Variants in SENP6 observed in about 807,000 individuals in gnomAD.
SENP6 encodes sentrin-specific protease 6.
SENP6 carries 41 observed loss-of-function variants against 134.5 expected under a neutral mutation model. The observed-to-expected ratio is 0.30, with a 90% CI of 0.24 to 0.40. The LOEUF is 0.40. Among genes scored for constraint, SENP6 ranks in the 10% least tolerant of loss-of-function variants. The probability of loss-of-function intolerance (pLI) is 1.00; values close to 1 mark genes in which losing one functional copy is unlikely to be tolerated. For synonymous variants in SENP6, 395 were observed against 429.8 expected (o/e 0.92, Z 1.00); for missense variants, 1,248 against 1,312.5 (o/e 0.95, Z 0.76).
intron 6 of SENP6, 105 bp downstream of exon 6, chr6:75,640,809 C>CT (rs1049003702): frequency 6.2e-6 from 4 of 647,542 alleles, no homozygotes; most frequent in South Asian, 3.2e-5. Flanking sequence ...ATAATTAAAG[C>CT]TTTTTTTAAT....
rs1270168085 is a variant in SENP6, at chr6:75,651,770, G to A, written c.550+3969G>A. 3.3e-5 allele frequency among the ~76,000 whole-genome samples: 5 copies of A among 152,120 alleles called. No homozygotes were observed. The East Asian group carries it at 9.6e-4, about 29-fold the overall frequency. On this transcript the variant is annotated intron_variant, in intron 7 of 23. Transcript: ENST00000447266. Reference sequence around the variant, plus strand: ...TTGATACATAATATTCATACTGTATGTACTGTTCTGTATGTAACTTGCTTT... The same window carrying A: ...TTGATACATAATATTCATACTGTATATACTGTTCTGTATGTAACTTGCTTT...
At chr6:75,662,365 C>T (rs1192286581) in intron 8 of SENP6, among the ~76,000 whole-genome samples, 2 of 151,936 alleles carry the variant, frequency 1.3e-5, no homozygotes, top group Admixed American at 6.6e-5. Context: ...GAACTCTTGG[C>T]CCTAAAGAGT....
chr6:75,636,032 C>T (rs1381973452), intron 5 of SENP6, among the ~76,000 whole-genome samples: 1 of 151,432 alleles, frequency 6.6e-6, no homozygotes, highest in Non-Finnish European at 1.5e-5. Flanking sequence ...TCCTCATTTC[C>T]TCACTGGTAA....
At chr6:75,674,261 A>G (rs527468821) in intron 11 of SENP6, among the ~76,000 whole-genome samples, 5 of 151,454 alleles carry the variant, frequency 3.3e-5, no homozygotes, top group Non-Finnish European at 7.4e-5. Flanking sequence ...GGCACAAGCA[A>G]TCCTTCCACC....
rs1459527662 is a variant in SENP6 at position 75,713,965 on chromosome 6, C to A, written c.3129+140C>A. The A allele has an allele frequency of 1.2e-5, 8 of 645,178 alleles. No homozygotes were observed. The African/African-American group carries it at 1.5e-4, about 12-fold the overall frequency. 40.0% of individuals were successfully genotyped at this position (645,178 alleles called of 1,614,324 possible). The stretch of plus-strand genomic sequence containing the variant: ...CAAAAATTATTCCATGGAGCAAAAA[C>A]TTCTAAATGGAAGAACCTTCAAGGC... On this transcript the variant is annotated intron_variant, in intron 23 of 23. Transcript: ENST00000447266.
intron 4 of SENP6, 133 bp from the exon 5 acceptor site, chr6:75,634,574 G>A (rs1475935644): frequency 1.9e-6 from 1 of 535,874 alleles, no homozygotes; most frequent in South Asian, 2.7e-5. Context: ...AAGACAATTG[G>A]GTTTATCCAT....
At chr6:75,640,079 G>A (rs557100081) in intron 5 of SENP6, among the ~76,000 whole-genome samples, 6 of 152,108 alleles carry the variant, frequency 3.9e-5, no homozygotes, top group Non-Finnish European at 8.8e-5. Context: ...CCAGGTGAGG[G>A]AAGTACATAC....
intron 6 of SENP6, chr6:75,644,110 A>G (rs1020270103): frequency 1.3e-5 from 2 of 152,196 alleles, no homozygotes; most frequent in African/African-American, 4.8e-5. Flanking sequence ...CACCTGTACT[A>G]AAATTGGAAC....
Position 75,663,933 on chromosome 6 carries a change from T to G in SENP6, c.994+415T>G, listed in dbSNP as rs564595404. ...ACTCTATATCCTGTCTTTTTACTCTTATGTGTATGTGTATGGCATGCAGTC... is the reference window on the plus strand; with the variant it reads ...ACTCTATATCCTGTCTTTTTACTCTGATGTGTATGTGTATGGCATGCAGTC... On this transcript the variant is annotated intron_variant, in intron 9 of 23. Transcript: ENST00000447266. Among the ~76,000 whole-genome samples the G allele has an allele frequency of 2.1e-4, 32 of 152,172 alleles. No homozygotes were observed. The East Asian group carries it at 6.0e-3, about 28-fold the overall frequency.
At chr6:75,608,899 C>T (rs1231947496) in intron 1 of SENP6, among the ~76,000 whole-genome samples, 1 of 152,112 alleles carries the variant, frequency 6.6e-6, no homozygotes, top group Non-Finnish European at 1.5e-5. Context: ...CTTGTCTTCT[C>T]TTCTATTTGA....
At chr6:75,676,510 C>T (rs1773094441) in intron 13 of SENP6, 1 of 154,546 alleles carries the variant, frequency 6.5e-6, no homozygotes, top group African/African-American at 2.4e-5. Flanking sequence ...TCACCTTTAA[C>T]ACTTAAAGCA....
At chr6:75,629,587 A>ACC (rs1218267781) in intron 3 of SENP6, among the ~76,000 whole-genome samples, 1 of 152,164 alleles carries the variant, frequency 6.6e-6, no homozygotes, top group African/African-American at 2.4e-5. Flanking sequence ...GGTGTGAGCC[A>ACC]CCATGCCCAG....
At chr6:75,643,109 A>G (rs925743869) in intron 6 of SENP6, among the ~76,000 whole-genome samples, 1 of 152,234 alleles carries the variant, frequency 6.6e-6, no homozygotes, top group Non-Finnish European at 1.5e-5. Context: ...TTCAGTAAGG[A>G]AGCAAAAGAG....
Position 75,702,697 on chromosome 6 carries a change from T to C in SENP6, c.2341T>C (p.Tyr781His). ...VCFPGLEKPK[Y>H]EPNPHYHENA... ...TTTCCCCGGTTTGGAAAAACCAAAG[T>C]ATGAACCTAATCCTCATTACCATGA... The change falls in exon 19 of 24, where the codon TAT becomes CAT. Residue 781 changes from tyrosine to histidine, a missense_variant. By Grantham distance (83) the Tyr-to-His change is moderately conservative (BLOSUM62 2). This residue lies in a region of SENP6 where 386 missense variants were observed against 395.0 expected (regional missense o/e 0.98). Coordinates refer to ENST00000447266, the MANE Select transcript of SENP6 (RefSeq NM_015571.4). 1.2e-5 allele frequency: 19 copies of C among 1,610,676 alleles called. No individual in the cohort carries two copies. The highest frequency in any genetic ancestry group is 1.6e-5 in the Non-Finnish European group (19 of 1,178,192).
At chr6:75,660,455 G>A (rs966754764) in intron 8 of SENP6, among the ~76,000 whole-genome samples, 1 of 152,070 alleles carries the variant, frequency 6.6e-6, no homozygotes, top group Non-Finnish European at 1.5e-5. Context: ...GTTATAGTCT[G>A]TAACTTTCAT....
In SENP6 at chr6:75,638,611, TATATATATATA is replaced by T. The variant is rs1297535421; in HGVS notation, c.459-2072_459-2062del. 1.7e-3 allele frequency among the ~76,000 whole-genome samples: 96 copies of T among 57,548 alleles called. 1 individual carries two copies. The highest frequency in any genetic ancestry group is 2.0e-3 in the Non-Finnish European group (61 of 30,192). 37.8% of individuals were successfully genotyped at this position (57,548 alleles called of 152,430 possible). On this transcript the variant is annotated intron_variant, in intron 5 of 23. Transcript: ENST00000447266. Reference sequence around the variant, plus strand: ...GTGTGTATATATATATATATATATATATATATATATATTTTTTTTTTTTTTTTTTTTTTTTT... The same window carrying T: ...GTGTGTATATATATATATATATATATTTTTTTTTTTTTTTTTTTTTTTTTT...
At chr6:75,613,374 C>G (rs146921731) in intron 1 of SENP6, among the ~76,000 whole-genome samples, 1 of 152,256 alleles carries the variant, frequency 6.6e-6, no homozygotes, top group African/African-American at 2.4e-5. Context: ...GAGTAACTGA[C>G]AGGGACTGTA....
intron 1 of SENP6, among the ~76,000 whole-genome samples, chr6:75,607,787 A>C (rs996881454): frequency 6.6e-6 from 1 of 152,212 alleles, no homozygotes; most frequent in Non-Finnish European, 1.5e-5. Flanking sequence ...CTCCAAATGA[A>C]AAGTGTTTTC....
intron 1 of SENP6, among the ~76,000 whole-genome samples, chr6:75,615,974 T>C (rs572118): frequency 0.92 from 140,051 of 152,190 alleles, 65,036 homozygotes; most frequent in South Asian, 0.99. Context: ...TTTGGTCAAC[T>C]ATACTAGTTC....
Sources: allele counts gnomAD v4.1 joint callset (sites outside exome capture counted in the v4.1 genomes callset), GRCh38; gene constraint gnomAD v4.1.1; regional missense constraint gnomAD v4.1.1; transcripts MANE v1.5; gene names NCBI Gene and HGNC (gene_info 2026-07-23, HGNC 2026-07-21).